IL1RAPL2: variants seen among roughly 807,000 people sequenced by gnomAD.
The protein encoded by IL1RAPL2 is interleukin 1 receptor accessory protein like 2.
IL1RAPL2 carries 3 observed loss-of-function variants against 44.1 expected under a neutral mutation model. The ratio of observed to expected loss-of-function variants is 0.07; its 90% CI spans 0.03 to 0.18. The LOEUF (loss-of-function observed/expected upper bound fraction) is 0.18. Among genes scored for constraint, IL1RAPL2 ranks in the 10% least tolerant of loss-of-function variants. The probability of loss-of-function intolerance (pLI) is 1.00; values close to 1 mark genes in which losing one functional copy is unlikely to be tolerated. For missense variants in IL1RAPL2, 391 were observed against 496.4 expected (o/e 0.79, Z 2.02); for synonymous variants, 181 against 178.8 (o/e 1.01, Z -0.10).
At chrX:104,976,901 C>A (rs199764521) in intron 2 of IL1RAPL2, among the ~76,000 whole-genome samples, 64 of 97,152 alleles carry the variant, frequency 6.6e-4, no homozygotes, top group African/African-American at 6.8e-4. Flanking sequence ...GAGCCAAAGC[C>A]AAAAAAAAAA....
chrX:105,273,844 G>A (rs935094833), intron 5 of IL1RAPL2, among the ~76,000 whole-genome samples: 1 of 111,553 alleles, frequency 9.0e-6, no homozygotes, highest in Non-Finnish European at 1.9e-5. Context: ...TCTTCAGAGG[G>A]CCAAGGGGAA....
At chrX:105,110,137 T>C (rs1028454550) in intron 2 of IL1RAPL2, among the ~76,000 whole-genome samples, 4 of 112,301 alleles carry the variant, frequency 3.6e-5, no homozygotes, top group Admixed American at 9.4e-5. Flanking sequence ...GTTCTTTCCA[T>C]GATACCCAGC....
At chrX:105,760,007 T>G (rs1433259943) in intron 10 of IL1RAPL2, among the ~76,000 whole-genome samples, 1 of 111,661 alleles carries the variant, frequency 9.0e-6, no homozygotes, top group African/African-American at 3.3e-5. Flanking sequence ...CATGGAAATT[T>G]AACATATTGT....
chrX:105,723,542 A>T (rs180870619), intron 7 of IL1RAPL2, among the ~76,000 whole-genome samples: 1 of 111,266 alleles, frequency 9.0e-6, no homozygotes, highest in East Asian at 2.8e-4. Flanking sequence ...ATTTTTTTTA[A>T]CCAGAGCACC....
chrX:104,722,246 T>A (rs1450310546), intron 2 of IL1RAPL2, among the ~76,000 whole-genome samples: 14 of 111,892 alleles, frequency 1.3e-4, no homozygotes, highest in African/African-American at 4.5e-4. Flanking sequence ...TATAAATGAA[T>A]GAGCTAGCTG....
intron 2 of IL1RAPL2, among the ~76,000 whole-genome samples, chrX:105,178,588 C>T (rs186796036): frequency 1.4e-3 from 151 of 111,762 alleles, no homozygotes; most frequent in African/African-American, 4.7e-3. Context: ...TCCATAATGG[C>T]TGTATTAACT....
chrX:105,277,105 C>G (rs950710474), intron 5 of IL1RAPL2, among the ~76,000 whole-genome samples: 5 of 111,963 alleles, frequency 4.5e-5, no homozygotes, highest in Non-Finnish European at 9.4e-5. Flanking sequence ...TAAAGCTGCC[C>G]TGAAGCGGTG....
chrX:104,704,247 T>C (rs977090951), intron 2 of IL1RAPL2, among the ~76,000 whole-genome samples: 1 of 111,741 alleles, frequency 8.9e-6, no homozygotes, highest in African/African-American at 3.3e-5. Context: ...ATATAACTTA[T>C]GATGGTCTTG....
intron 3 of IL1RAPL2, among the ~76,000 whole-genome samples, chrX:105,205,547 G>A (rs1228650667): frequency 2.4e-5 from 2 of 82,296 alleles, no homozygotes; most frequent in Non-Finnish European, 2.2e-5. Context: ...CTGAGACTGC[G>A]CCACGGCACT....
chrX:105,029,783 T>G (rs867026374), intron 2 of IL1RAPL2, among the ~76,000 whole-genome samples: 35 of 111,179 alleles, frequency 3.1e-4, no homozygotes, highest in Middle Eastern at 9.2e-3. Context: ...GGGCTGGCTG[T>G]GTCAAATGGT....
At chrX:104,891,827 C>T (rs1215982682) in intron 2 of IL1RAPL2, among the ~76,000 whole-genome samples, 1 of 111,592 alleles carries the variant, frequency 9.0e-6, no homozygotes, top group Non-Finnish European at 1.9e-5. Context: ...ACTTCCAACA[C>T]TATGTTGAAT....
chrX:104,636,843 C>T (rs750567063), intron 1 of IL1RAPL2, among the ~76,000 whole-genome samples: 1 of 111,929 alleles, frequency 8.9e-6, no homozygotes, highest in South Asian at 3.8e-4. Flanking sequence ...GTGCTGCACC[C>T]ACTGTCCTGC....
chrX:105,721,847 G>A (rs2038307616), intron 7 of IL1RAPL2, among the ~76,000 whole-genome samples: 1 of 111,788 alleles, frequency 8.9e-6, no homozygotes, highest in Non-Finnish European at 1.9e-5. Flanking sequence ...AATTTATTTT[G>A]AAAATTTCAC....
At chrX:105,654,871 G>T (rs2037667139) in intron 6 of IL1RAPL2, among the ~76,000 whole-genome samples, 2 of 111,676 alleles carry the variant, frequency 1.8e-5, no homozygotes, top group Non-Finnish European at 3.8e-5. Flanking sequence ...AAATGAATTT[G>T]GAAAATCTGT....
chrX:104,803,294 G>A (rs967031632), intron 2 of IL1RAPL2, among the ~76,000 whole-genome samples: 1 of 111,661 alleles, frequency 9.0e-6, no homozygotes, highest in Non-Finnish European at 1.9e-5. Context: ...TTCTTGTGTA[G>A]GTGAATACAA....
intron 2 of IL1RAPL2, among the ~76,000 whole-genome samples, chrX:105,145,215 A>G (rs989440084): frequency 5.4e-5 from 6 of 112,094 alleles, no homozygotes; most frequent in African/African-American, 1.9e-4. Flanking sequence ...AATAGTGACC[A>G]CTATTTTAGA....
intron 2 of IL1RAPL2, among the ~76,000 whole-genome samples, chrX:104,722,498 A>T (rs190537091): frequency 9.0e-6 from 1 of 111,237 alleles, no homozygotes; most frequent in African/African-American, 3.3e-5. Flanking sequence ...GCTTTGCTTC[A>T]ATTCCTTTAC....
At chrX:104,954,252 G>A (rs1000813223) in intron 2 of IL1RAPL2, among the ~76,000 whole-genome samples, 1 of 112,476 alleles carries the variant, frequency 8.9e-6, no homozygotes, top group African/African-American at 3.2e-5. Context: ...ATCATTAATT[G>A]TAATGACTCT....
chrX:104,778,418 T>C (rs188434535), intron 2 of IL1RAPL2, among the ~76,000 whole-genome samples: 1 of 109,639 alleles, frequency 9.1e-6, no homozygotes, highest in African/African-American at 3.3e-5. Context: ...TTTTAAAATA[T>C]AAAACTTTGC....
Sources: gnomAD v4.1 joint callset for allele counts (sites outside exome capture counted in the v4.1 genomes callset) on GRCh38, gnomAD v4.1.1 for gene constraint, MANE v1.5 for transcripts, NCBI Gene and HGNC (gene_info 2026-07-23, HGNC 2026-07-21) for gene names.